Variants in ARHGEF18 observed in about 807,000 individuals in gnomAD.
ARHGEF18 encodes Rho/Rac guanine nucleotide exchange factor 18.
ARHGEF18 carries 93 observed loss-of-function variants against 155.7 expected under a neutral mutation model. The ratio of observed to expected loss-of-function variants is 0.60; its 90% CI spans 0.50 to 0.71. The LOEUF (loss-of-function observed/expected upper bound fraction) is 0.71. Among genes scored for constraint, ARHGEF18 ranks in the 30% least tolerant of loss-of-function variants. The pLI is 0.00. For missense variants in ARHGEF18, 1,593 were observed against 1,816.1 expected (o/e 0.88, Z 2.23); for synonymous variants, 742 against 753.1 (o/e 0.99, Z 0.24).
downstream of ARHGEF18, chr19:7,477,456 C>T (rs968721560): frequency 9.2e-6 from 13 of 1,408,140 alleles, no homozygotes; most frequent in Middle Eastern, 2.0e-4. Flanking sequence ...AGAGAGGGGC[C>T]GCTTACACTC....
intron 16 of ARHGEF18, among the ~76,000 whole-genome samples, chr19:7,452,405 G>A (rs1392850766): frequency 6.6e-6 from 1 of 152,218 alleles, no homozygotes; most frequent in African/African-American, 2.4e-5. Flanking sequence ...CACATCCTTG[G>A]AGTGGGAAGA....
At chr19:7,467,816 C>G (rs761455730) in intron 26 of ARHGEF18, 132 bp downstream of exon 26, 1 of 905,642 alleles carries the variant, frequency 1.1e-6, no homozygotes, top group East Asian at 3.4e-5. Context: ...GCACAAGATA[C>G]CCTTGCATTA....
At chr19:7,476,339 T>A (rs536245396), downstream of ARHGEF18, among the ~76,000 whole-genome samples, 1 of 146,914 alleles carries the variant, frequency 6.8e-6, no homozygotes, top group Non-Finnish European at 1.5e-5. Context: ...GTGCAATTGA[T>A]ATCACATGAG....
intron 10 of ARHGEF18, among the ~76,000 whole-genome samples, chr19:7,383,991 G>T (rs79680996): frequency 0.017 from 2,633 of 152,196 alleles, 84 homozygotes; most frequent in African/African-American, 0.061. Flanking sequence ...TCATTGCCGG[G>T]ATTTAGAACT....
rs576326542 is a variant in ARHGEF18, at chr19:7,435,127, A to T, written c.968-5217A>T. Among the ~76,000 whole-genome samples, 21 of 151,866 alleles carry T rather than the reference A, an allele frequency of 1.4e-4. No individual in the cohort carries two copies. The East Asian group carries it at 3.7e-3, about 27-fold the overall frequency. On this transcript the variant is annotated intron_variant, in intron 10 of 28. Transcript: ENST00000668164. ...TGAGGCAGAATGACTTGAACCTGGGAGGTGGAGGTTGCAGTGAGCCGAGAT... is the reference window on the plus strand; with the variant it reads ...TGAGGCAGAATGACTTGAACCTGGGTGGTGGAGGTTGCAGTGAGCCGAGAT...
intron 7 of ARHGEF18, among the ~76,000 whole-genome samples, chr19:7,379,994 G>A (rs1002037884): frequency 7.1e-6 from 1 of 140,804 alleles, no homozygotes; most frequent in African/African-American, 2.9e-5. Flanking sequence ...GTGAGACTCT[G>A]TCTGTATAAT....
At chr19:7,431,641 C>T (rs1600415712) in intron 10 of ARHGEF18, among the ~76,000 whole-genome samples, 1 of 151,858 alleles carries the variant, frequency 6.6e-6, no homozygotes, top group East Asian at 1.9e-4. Context: ...CATGGCGAAA[C>T]CCCGTCTCTA....
chr19:7,459,802 G>C, intron 19 of ARHGEF18, 101 bp from the exon 20 acceptor site: 2 of 985,488 alleles, frequency 2.0e-6, no homozygotes, highest in Non-Finnish European at 3.0e-6. Context: ...CACTCCCAAA[G>C]TCAGAGACGG....
chr19:7,376,140 G>A (rs933033184), intron 4 of ARHGEF18, among the ~76,000 whole-genome samples: 2 of 152,148 alleles, frequency 1.3e-5, no homozygotes, highest in Admixed American at 6.5e-5. Context: ...CAAGGGGATG[G>A]GGGATGTCTT....
intron 10 of ARHGEF18, among the ~76,000 whole-genome samples, chr19:7,417,468 C>A (rs1252018889): frequency 6.6e-6 from 1 of 152,118 alleles, no homozygotes; most frequent in Non-Finnish European, 1.5e-5. Context: ...GAGACCAAGG[C>A]GGGCAGATCA....
intron 10 of ARHGEF18, among the ~76,000 whole-genome samples, chr19:7,406,330 C>G (rs1972306119): frequency 6.6e-6 from 1 of 152,140 alleles, no homozygotes; most frequent in African/African-American, 2.4e-5. Flanking sequence ...GGTGATCCAC[C>G]CACCTCGGCC....
chr19:7,470,856 C>T lies in ARHGEF18; in HGVS notation c.*558C>T. The T allele has an allele frequency of 2.5e-6, 1 of 401,240 alleles. No homozygotes were observed. Among genetic ancestry groups the T allele is most frequent in the Non-Finnish European group, 4.4e-6 (1 of 226,262 alleles). The allele number at this position is 401,240 out of a possible 1,614,324, so 24.9% of individuals were successfully genotyped here. On this transcript the variant is annotated 3_prime_UTR_variant, in exon 29 of 29. Transcript: ENST00000668164. The surrounding 1 kb of genome is among the most constrained non-coding windows in gnomAD (Gnocchi z 5.9). ...CAAACAGAGCCCCACGCAGGTTCAC[C>T]ATGAACCTCAGGGTCAGGGAATGAG...
At position 7,463,697 on chromosome 19, in the gene ARHGEF18, C is replaced by T; in HGVS notation, c.2636-121C>T. ...AAATCCCACGGCACACAGAAGGGGGCAGGCGATCACCACCCCAGTGAGTCC... is the reference window on the plus strand; with the variant it reads ...AAATCCCACGGCACACAGAAGGGGGTAGGCGATCACCACCCCAGTGAGTCC... On this transcript the variant is annotated intron_variant, in intron 21 of 28. Coordinates refer to ENST00000668164, the MANE Select transcript of ARHGEF18 (RefSeq NM_001367823.1). The surrounding 1 kb of genome is among the most constrained non-coding windows in gnomAD (Gnocchi z 5.2). The T allele has an allele frequency of 8.2e-7, 1 of 1,221,594 alleles. No homozygotes were observed. The allele number at this position is 1,221,594 out of a possible 1,614,324, so 75.7% of individuals were successfully genotyped here. A position where few individuals can be genotyped will look rare whatever the true frequency, so the allele number is the denominator to read the frequency against.
intron 10 of ARHGEF18, among the ~76,000 whole-genome samples, chr19:7,399,221 C>T (rs1335253179): frequency 1.3e-5 from 2 of 152,076 alleles, no homozygotes; most frequent in Admixed American, 6.6e-5. Context: ...CTCGCAGCTG[C>T]CTGGAGGAAT....
At chr19:7,452,755 C>T (rs867838923) in intron 16 of ARHGEF18, among the ~76,000 whole-genome samples, 2 of 151,872 alleles carry the variant, frequency 1.3e-5, no homozygotes, top group Non-Finnish European at 1.5e-5. Flanking sequence ...CGTGAGCCAC[C>T]ATGCCCAGCT....
At chr19:7,474,891 T>C (rs1169296310), downstream of ARHGEF18, among the ~76,000 whole-genome samples, 1 of 152,024 alleles carries the variant, frequency 6.6e-6, no homozygotes, top group South Asian at 2.1e-4. Context: ...GCACTCCTTA[T>C]GGGCCCTGGG....
chr19:7,469,196 C>A (rs1452582902), intron 27 of ARHGEF18, 65 bp downstream of exon 27: 5 of 1,465,498 alleles, frequency 3.4e-6, no homozygotes, highest in Admixed American at 2.4e-5. Context: ...TAGCGGCTCG[C>A]TGGGAGCCAG....
In ARHGEF18 at chr19:7,380,973, C is replaced by T; in HGVS notation, c.701C>T (p.Thr234Ile). ...CCCGGAGGAGCCCACTCGAACCTGA[C>T]CTGGTTTGAATTCCTGTCGGAGTAA... The part of the protein sequence containing the change: ...ASPGGAHSNL[T>I]WFEFLSESED... Residue 234 changes from threonine to isoleucine, a missense_variant, in exon 8 of 29, where the codon ACC (threonine) becomes ATC (isoleucine). By Grantham distance (89) the Thr-to-Ile change is moderately conservative (BLOSUM62 -1). Coordinates refer to ENST00000668164, the MANE Select transcript of ARHGEF18 (RefSeq NM_001367823.1). 2 of 1,232,200 alleles carry T rather than the reference C, an allele frequency of 1.6e-6. No homozygotes were observed. Among genetic ancestry groups the T allele is most frequent in the Non-Finnish European group, 1.0e-6 (1 of 988,026 alleles). The allele number at this position is 1,232,200 out of a possible 1,614,324, so 76.3% of individuals were successfully genotyped here. A position where few individuals can be genotyped will look rare whatever the true frequency, so the allele number is the denominator to read the frequency against.
chr19:7,426,261 G>A (rs1365834980), intron 10 of ARHGEF18, among the ~76,000 whole-genome samples: 2 of 152,136 alleles, frequency 1.3e-5, no homozygotes, highest in Non-Finnish European at 2.9e-5. Context: ...GCTGAGGCGG[G>A]TGGATCACCT....
Sources: allele counts gnomAD v4.1 joint callset (sites outside exome capture counted in the v4.1 genomes callset), GRCh38; gene constraint gnomAD v4.1.1; non-coding constraint Gnocchi (gnomAD v3.1); transcripts MANE v1.5; gene names NCBI Gene and HGNC (gene_info 2026-07-23, HGNC 2026-07-21).